Variants in PALLD observed in about 807,000 individuals in gnomAD.
The protein encoded by PALLD is palladin, cytoskeletal associated protein.
Under a neutral mutation model 123.5 loss-of-function variants are expected in PALLD, and 61 were observed. The observed-to-expected ratio is 0.49, with a 90% CI of 0.40 to 0.61. PALLD has a LOEUF of 0.61. Ranked by LOEUF, PALLD falls within the 20% of genes least tolerant of loss-of-function variation. The pLI is 0.00. For synonymous variants in PALLD, 465 were observed against 496.4 expected (o/e 0.94, Z 0.84); for missense variants, 1,273 against 1,377.0 (o/e 0.92, Z 1.20).
intron 3 of PALLD, among the ~76,000 whole-genome samples, chr4:168,678,600 C>T (rs1781108991): frequency 6.6e-6 from 1 of 152,108 alleles, no homozygotes; most frequent in Non-Finnish European, 1.5e-5. Context: ...GAGAGAGTCC[C>T]CACTTTCTCT....
intron 10 of PALLD, among the ~76,000 whole-genome samples, chr4:168,840,300 C>T (rs904996741): frequency 6.6e-6 from 1 of 152,050 alleles, no homozygotes; most frequent in African/African-American, 2.4e-5. Flanking sequence ...ATAAGGAGCT[C>T]GCCTCTCCAG....
intron 15 of PALLD, among the ~76,000 whole-genome samples, chr4:168,906,090 G>T (rs1016255424): frequency 1.3e-5 from 2 of 152,126 alleles, no homozygotes; most frequent in African/African-American, 4.8e-5. Flanking sequence ...AAATGGTGGA[G>T]AACTGACAAA....
intron 10 of PALLD, among the ~76,000 whole-genome samples, chr4:168,741,627 T>A (rs533106975): frequency 2.6e-5 from 4 of 152,216 alleles, no homozygotes; most frequent in Admixed American, 2.0e-4. Flanking sequence ...AAGGCTGCAG[T>A]GAGCTATGAT....
chr4:168,711,832 G>A lies in PALLD; in HGVS notation c.1873G>A (p.Gly625Ser), dbSNP rs373113485. The A allele has an allele frequency of 1.9e-5, 31 of 1,613,968 alleles. No homozygotes were observed. Among genetic ancestry groups the A allele is most frequent in the East Asian group, 2.2e-5 (1 of 44,884 alleles). ...CCGTGGAGTAAATGGACTGATTAAC[G>A]GCAAAGCTAACAGTAATAAATCTCT... ...PSRGVNGLIN[G>S]KANSNKSLPT... is the part of the protein sequence containing the mutation. Residue 625 changes from glycine to serine, a missense_variant, in exon 10 of 22, where the codon GGC becomes AGC. Transcript: ENST00000505667.
chr4:168,551,907 G>C (rs1766775152), intron 2 of PALLD, among the ~76,000 whole-genome samples: 1 of 152,158 alleles, frequency 6.6e-6, no homozygotes, highest in Non-Finnish European at 1.5e-5. Context: ...CCAATTTTCA[G>C]ATGACACCAA....
At chr4:168,824,725 A>G (rs977190755) in intron 10 of PALLD, among the ~76,000 whole-genome samples, 2 of 151,828 alleles carry the variant, frequency 1.3e-5, no homozygotes, top group African/African-American at 4.8e-5. Flanking sequence ...GTGACCTAGT[A>G]TAACTCACTT....
At chr4:168,582,819 GT>G (rs1254143128) in intron 2 of PALLD, among the ~76,000 whole-genome samples, 1 of 152,052 alleles carries the variant, frequency 6.6e-6, no homozygotes, top group Non-Finnish European at 1.5e-5. Context: ...TATGAATTTG[GT>G]TTGCTGGTAT....
intron 10 of PALLD, among the ~76,000 whole-genome samples, chr4:168,833,983 A>G (rs575235946): frequency 1.9e-4 from 28 of 149,174 alleles, no homozygotes; most frequent in Non-Finnish European, 3.7e-4. Context: ...AGAGCTAGAT[A>G]ATAAACAGTT....
At chr4:168,925,820 A>T (rs1230279099) in intron 21 of PALLD, among the ~76,000 whole-genome samples, 6 of 152,160 alleles carry the variant, frequency 3.9e-5, no homozygotes, top group Non-Finnish European at 5.9e-5. Flanking sequence ...CTTTCAGTTG[A>T]TTAGTGTTAA....
chr4:168,918,687 A>G (rs1317336191), intron 17 of PALLD, among the ~76,000 whole-genome samples: 2 of 152,050 alleles, frequency 1.3e-5, no homozygotes, highest in Non-Finnish European at 2.9e-5. Context: ...AAGTGTTCTT[A>G]CTACAAAAAA....
At chr4:168,690,776 A>C in intron 7 of PALLD, 32 bp downstream of exon 7, 2 of 1,610,440 alleles carry the variant, frequency 1.2e-6, no homozygotes, top group Non-Finnish European at 1.7e-6. Context: ...CCCAAATCTG[A>C]CCATTTTATT....
At chr4:168,546,438 G>T (rs1423566784) in intron 2 of PALLD, among the ~76,000 whole-genome samples, 1 of 151,952 alleles carries the variant, frequency 6.6e-6, no homozygotes, top group Non-Finnish European at 1.5e-5. Flanking sequence ...GAAAATCTTT[G>T]TGTGAGTGAA....
intron 2 of PALLD, among the ~76,000 whole-genome samples, chr4:168,566,836 T>G (rs1280674267): frequency 1.3e-5 from 2 of 152,340 alleles, no homozygotes; most frequent in African/African-American, 4.8e-5. Flanking sequence ...CATTTATTTG[T>G]GTGTTTTTCA....
rs543547076 is a variant in PALLD at position 168,597,349 on chromosome 4, T to A, written c.909-70841T>A. On this transcript the variant is annotated intron_variant, in intron 2 of 21. Transcript: ENST00000505667. ...GATCCACATTTGTGCCTGAAACTCATACAGTTTTGGAGACTTCTTTAAGAA... is the reference window on the plus strand; with the variant it reads ...GATCCACATTTGTGCCTGAAACTCAAACAGTTTTGGAGACTTCTTTAAGAA... Among the ~76,000 whole-genome samples the A allele has an allele frequency of 5.9e-5, 9 of 152,240 alleles. No homozygotes were observed. In the South Asian group the frequency reaches 1.9e-3, roughly 32 times the overall value.
At position 168,803,828 on chromosome 4, in the gene PALLD, T is replaced by C. The variant is rs1349054158; in HGVS notation, c.1965-87094T>C. On this transcript the variant is annotated intron_variant, in intron 10 of 21. Transcript: ENST00000505667. Reference sequence around the variant, plus strand: ...AGAGAGCACTCTGTTGTCTTTGGCATGGGAGAGGACTTCAGTGCAAAACGG... The same window carrying C: ...AGAGAGCACTCTGTTGTCTTTGGCACGGGAGAGGACTTCAGTGCAAAACGG... 2.0e-5 allele frequency among the ~76,000 whole-genome samples: 3 copies of C among 152,190 alleles called. No homozygotes were observed. In the East Asian group the frequency reaches 5.8e-4, roughly 29 times the overall value.
rs1762597551 is a variant in PALLD, at chr4:168,512,325, T to C, written c.821T>C (p.Ile274Thr). The C allele has an allele frequency of 1.9e-6, 3 of 1,614,002 alleles. No homozygotes were observed. The highest frequency in any genetic ancestry group is 2.5e-6 in the Non-Finnish European group (3 of 1,180,032). ...ALHFPAAPRF[I>T]QKLRSQEVAE... ...CACTTCCCAGCTGCACCTCGATTCA[T>C]CCAAAAGCTGAGGAGCCAAGAAGTA... The change falls in exon 2 of 22, where the codon ATC becomes ACC. Residue 274 changes from isoleucine to threonine, a missense_variant. Physicochemically the swap from Ile to Thr is moderately conservative, Grantham distance 89. Coordinates refer to ENST00000505667, the MANE Select transcript of PALLD (RefSeq NM_001166108.2).
chr4:168,580,365 A>G (rs1035446749), intron 2 of PALLD, among the ~76,000 whole-genome samples: 8 of 152,014 alleles, frequency 5.3e-5, no homozygotes, highest in Non-Finnish European at 7.4e-5. Context: ...CACCAAGCAT[A>G]TGAAAAAAAT....
At chr4:168,692,663 G>T (rs910911938) in intron 8 of PALLD, among the ~76,000 whole-genome samples, 1 of 152,180 alleles carries the variant, frequency 6.6e-6, no homozygotes, top group African/African-American at 2.4e-5. Flanking sequence ...AGCTTTTTAT[G>T]TGAAACAAAC....
chr4:168,903,518 G>GT (rs1435317700), intron 14 of PALLD, among the ~76,000 whole-genome samples: 6 of 152,056 alleles, frequency 3.9e-5, no homozygotes, highest in African/African-American at 1.4e-4. Context: ...ATATATGAAT[G>GT]TAAGTGCAAT....
Sources: allele counts gnomAD v4.1 joint callset (sites outside exome capture counted in the v4.1 genomes callset), GRCh38; gene constraint gnomAD v4.1.1; transcripts MANE v1.5; gene names NCBI Gene and HGNC (gene_info 2026-07-23, HGNC 2026-07-21).